Variants in SPIDR observed in about 807,000 individuals in gnomAD.
The protein encoded by SPIDR is DNA repair-scaffolding protein.
In SPIDR, 93 loss-of-function variants were observed where a neutral mutation model predicts 104.6. The observed-to-expected ratio is 0.89, with a 90% confidence interval of 0.75 to 1.06. The LOEUF is 1.06. Ranked by LOEUF, SPIDR falls within the 50% of genes least tolerant of loss-of-function variation. The pLI, the probability that SPIDR is intolerant of heterozygous loss-of-function variation, is 0.00. For synonymous variants in SPIDR, 431 were observed against 416.9 expected (o/e 1.03, Z -0.41); for missense variants, 1,154 against 1,111.2 (o/e 1.04, Z -0.55).
At chr8:47,664,232 T>C (rs2154464903) in intron 10 of SPIDR, among the ~76,000 whole-genome samples, 2 of 152,272 alleles carry the variant, frequency 1.3e-5, no homozygotes, top group South Asian at 4.1e-4. Context: ...AATACGGACC[T>C]GACTGTCCCA....
At chr8:47,293,574 G>A (rs1179986761) in intron 4 of SPIDR, among the ~76,000 whole-genome samples, 28 of 152,280 alleles carry the variant, frequency 1.8e-4, no homozygotes, top group Admixed American at 6.5e-5. Flanking sequence ...AGCCACCTGA[G>A]TAGCTGGGAC....
chr8:47,664,046 G>A (rs777605717), intron 10 of SPIDR, among the ~76,000 whole-genome samples: 11 of 152,152 alleles, frequency 7.2e-5, no homozygotes, highest in East Asian at 1.9e-4. Flanking sequence ...TGTGAGCCAC[G>A]ACCCACTCCT....
intron 1 of SPIDR, among the ~76,000 whole-genome samples, chr8:47,272,123 A>G (rs1464690282): frequency 6.6e-6 from 1 of 152,024 alleles, no homozygotes; most frequent in Non-Finnish European, 1.5e-5. Flanking sequence ...GCGCGCCACC[A>G]CACCCGGCTA....
At chr8:47,616,317 C>T (rs1221162098) in intron 10 of SPIDR, among the ~76,000 whole-genome samples, 2 of 152,152 alleles carry the variant, frequency 1.3e-5, no homozygotes, top group South Asian at 2.1e-4. Context: ...ATGCCCTATG[C>T]CAGGTTGAGG....
chr8:47,499,838 T>G (rs941081680), intron 8 of SPIDR, among the ~76,000 whole-genome samples: 1 of 149,038 alleles, frequency 6.7e-6, no homozygotes, highest in African/African-American at 2.4e-5. Context: ...TTCCCCTTCC[T>G]GTGTCCATGT....
chr8:47,379,294 A>G (rs1209747463), intron 5 of SPIDR, among the ~76,000 whole-genome samples: 1 of 152,214 alleles, frequency 6.6e-6, no homozygotes, highest in Non-Finnish European at 1.5e-5. Flanking sequence ...TCACGCCTGT[A>G]ATCCTAGCAC....
At position 47,421,214 on chromosome 8, in the gene SPIDR, T is replaced by C. The variant is rs367992501; in HGVS notation, c.877+13253T>C. ...ATATCCTGCAGAGTGTTTTCCAACT[T>C]GGTTCCATTCTCCCTGTCACTTTCG... On this transcript the variant is annotated intron_variant, in intron 7 of 19. Transcript: ENST00000297423. Among the ~76,000 whole-genome samples the C allele has an allele frequency of 3.3e-5, 5 of 152,264 alleles. 1 individual carries two copies. In the East Asian group the frequency reaches 9.6e-4, roughly 29 times the overall value.
chr8:47,483,301 TCCAGCTTATA>T (rs1360498930), intron 8 of SPIDR, among the ~76,000 whole-genome samples: 6 of 152,236 alleles, frequency 3.9e-5, no homozygotes, highest in African/African-American at 1.4e-4. Flanking sequence ...TTTACAGCCA[TCCAGCTTATA>T]TCAACTTTTT....
chr8:47,466,531 A>G (rs1365918339), intron 8 of SPIDR, among the ~76,000 whole-genome samples: 2 of 152,158 alleles, frequency 1.3e-5, no homozygotes, highest in Non-Finnish European at 2.9e-5. Context: ...CAGTGTTAAG[A>G]CGGAAATTTG....
rs536635443 is a variant in SPIDR at position 47,376,976 on chromosome 8, G to A, written c.526-19400G>A. Reference sequence around the variant, plus strand: ...AGTTCATGTGTTATCTCTGGCTGCCGTCGCATTACAGTGGCAAGGTTGGGT... The same window carrying A: ...AGTTCATGTGTTATCTCTGGCTGCCATCGCATTACAGTGGCAAGGTTGGGT... On this transcript the variant is annotated intron_variant, in intron 5 of 19. Coordinates refer to ENST00000297423, the MANE Select transcript of SPIDR (RefSeq NM_001080394.4). Among the ~76,000 whole-genome samples the A allele has an allele frequency of 8.5e-5, 13 of 152,192 alleles. No homozygotes were observed. In the East Asian group the frequency reaches 1.7e-3, roughly 20 times the overall value.
At chr8:47,441,687 G>GTAAAAGCTATAAAA (rs1243228643) in intron 8 of SPIDR, among the ~76,000 whole-genome samples, 1 of 151,990 alleles carries the variant, frequency 6.6e-6, no homozygotes, top group Non-Finnish European at 1.5e-5. Flanking sequence ...TATAGCTTCT[G>GTAAAAGCTATAAAA]GGTTTTGTAT....
chr8:47,675,960 G>T (rs968458382), intron 11 of SPIDR, among the ~76,000 whole-genome samples: 1 of 152,224 alleles, frequency 6.6e-6, no homozygotes, highest in Non-Finnish European at 1.5e-5. Flanking sequence ...ACACGAGGGG[G>T]CTCCCGCCAC....
chr8:47,436,434 T>G (rs1457014159), intron 7 of SPIDR, among the ~76,000 whole-genome samples: 1 of 152,140 alleles, frequency 6.6e-6, no homozygotes, highest in East Asian at 1.9e-4. Context: ...ATTAAAAGCT[T>G]GCTTCTGCCA....
At chr8:47,729,083 C>G in intron 18 of SPIDR, 36 bp downstream of exon 18, 1 of 1,609,540 alleles carries the variant, frequency 6.2e-7, no homozygotes, top group Non-Finnish European at 8.5e-7. Flanking sequence ...GCACTCCTAG[C>G]TCACTCCAAC....
intron 10 of SPIDR, among the ~76,000 whole-genome samples, chr8:47,651,010 C>G (rs965958865): frequency 6.6e-6 from 1 of 152,080 alleles, no homozygotes; most frequent in Non-Finnish European, 1.5e-5. Flanking sequence ...TAGAAGATAA[C>G]CCAGGAAAAA....
intron 1 of SPIDR, among the ~76,000 whole-genome samples, chr8:47,269,703 T>C (rs2034894296): frequency 6.6e-6 from 1 of 152,238 alleles, no homozygotes; most frequent in African/African-American, 2.4e-5. Context: ...ATATTGAATG[T>C]AAGTGGGAAG....
At chr8:47,453,583 C>T (rs560101880) in intron 8 of SPIDR, among the ~76,000 whole-genome samples, 9 of 152,216 alleles carry the variant, frequency 5.9e-5, no homozygotes, top group Admixed American at 3.9e-4. Flanking sequence ...ACCATCTGAT[C>T]TTTGACAAAA....
intron 8 of SPIDR, among the ~76,000 whole-genome samples, chr8:47,527,214 A>G (rs2085148330): frequency 6.6e-6 from 1 of 152,076 alleles, no homozygotes; most frequent in Admixed American, 6.6e-5. Context: ...CTCAAGAGAA[A>G]CTGTTTTACC....
chr8:47,408,044 A>C, intron 7 of SPIDR, 83 bp downstream of exon 7: 1 of 693,432 alleles, frequency 1.4e-6, no homozygotes, highest in Non-Finnish European at 2.3e-6. Flanking sequence ...ATATGAAGTT[A>C]ATTGTTAATA....
Sources: allele counts gnomAD v4.1 joint callset (sites outside exome capture counted in the v4.1 genomes callset), GRCh38; gene constraint gnomAD v4.1.1; transcripts MANE v1.5; gene names NCBI Gene and HGNC (gene_info 2026-07-23, HGNC 2026-07-21).